LRRN2: variants seen among roughly 807,000 people sequenced by gnomAD.
LRRN2 encodes the protein leucine rich repeat neuronal 2, also known as leucine-rich repeat neuronal protein 2.
A neutral mutation model predicts 35.7 loss-of-function variants in LRRN2; 10 were observed. The ratio of observed to expected loss-of-function variants is 0.28; its 90% CI spans 0.17 to 0.47. The LOEUF (loss-of-function observed/expected upper bound fraction) is 0.47. LRRN2 is among the 20% of genes least tolerant of loss of function. The pLI is 0.99. For synonymous variants in LRRN2, 391 were observed against 409.6 expected (o/e 0.95, Z 0.55); for missense variants, 731 against 940.3 (o/e 0.78, Z 2.91).
chr1:204,632,927 C>G (rs1162700103), intron 1 of LRRN2, among the ~76,000 whole-genome samples: 1 of 149,968 alleles, frequency 6.7e-6, no homozygotes, highest in African/African-American at 2.5e-5. Flanking sequence ...GAGCGAGACT[C>G]TGTCTCCAAA....
intron 1 of LRRN2, among the ~76,000 whole-genome samples, chr1:204,635,166 G>T (rs1667802990): frequency 6.6e-6 from 1 of 152,132 alleles, no homozygotes; most frequent in Non-Finnish European, 1.5e-5. Context: ...ATGCATAAAA[G>T]ATGTTTTTGT....
intron 1 of LRRN2, among the ~76,000 whole-genome samples, chr1:204,629,981 A>G (rs1440883446): frequency 1.3e-5 from 2 of 152,212 alleles, no homozygotes; most frequent in Non-Finnish European, 2.9e-5. Flanking sequence ...TTAAAAACCT[A>G]TATATCAGGT....
chr1:204,632,915 C>G (rs1667745389), intron 1 of LRRN2, among the ~76,000 whole-genome samples: 1 of 149,190 alleles, frequency 6.7e-6, no homozygotes, highest in African/African-American at 2.5e-5. Flanking sequence ...GCCTGGGCGA[C>G]AGAGCGAGAC....
intron 1 of LRRN2, among the ~76,000 whole-genome samples, chr1:204,648,001 C>T (rs1367219536): frequency 3.9e-5 from 6 of 152,204 alleles, no homozygotes; most frequent in Admixed American, 3.9e-4. Flanking sequence ...CATTATATTT[C>T]TATTGAACAT....
chr1:204,638,689 C>T (rs1296925979), intron 1 of LRRN2, among the ~76,000 whole-genome samples: 1 of 152,084 alleles, frequency 6.6e-6, no homozygotes. Context: ...GGATTACAGG[C>T]GTGAGCCACC....
chr1:204,630,077 C>A (rs2102591623), intron 1 of LRRN2, among the ~76,000 whole-genome samples: 1 of 152,200 alleles, frequency 6.6e-6, no homozygotes, highest in South Asian at 2.1e-4. Flanking sequence ...GCACATGGAC[C>A]CCCTATACAT....
rs188923822 is a variant in LRRN2, at chr1:204,622,685, C to T, written c.-226-2467G>A. Among the ~76,000 whole-genome samples the T allele has an allele frequency of 2.9e-4, 44 of 152,132 alleles. No individual in the cohort carries two copies. The East Asian group carries it at 2.9e-3, about 10-fold the overall frequency. ...GGAAGGAGGGAACAAGCTGAGTCTC[C>T]GAGAGGTCCCTGTTGTGGAACTGGA... On this transcript the variant is annotated intron_variant, in intron 1 of 1. Coordinates refer to ENST00000367177, the MANE Select transcript of LRRN2 (RefSeq NM_201630.2).
intron 1 of LRRN2, among the ~76,000 whole-genome samples, chr1:204,657,341 TACACACACACAC>T (rs34779515): frequency 6.8e-6 from 1 of 146,952 alleles, no homozygotes; most frequent in Non-Finnish European, 1.5e-5. Flanking sequence ...TATGTATATA[TACACACACACAC>T]ACACACACAC....
chr1:204,620,628 G>C lies in LRRN2; in HGVS notation c.-226-410C>G, dbSNP rs192177254. 35 of 172,762 alleles carry C rather than the reference G, an allele frequency of 2.0e-4. No individual in the cohort carries two copies. In the Admixed American group the frequency reaches 2.1e-3, roughly 10 times the overall value. 10.7% of individuals were successfully genotyped at this position (172,762 alleles called of 1,614,324 possible). ...AAAGGAGCTGCAGAGGTAATGGCCA[G>C]GCCTGTCCTTAAGGCTTTAGTGTCC... On this transcript the variant is annotated intron_variant, in intron 1 of 1. Coordinates refer to ENST00000367177, the MANE Select transcript of LRRN2 (RefSeq NM_201630.2).
At chr1:204,628,584 C>G (rs1039096709) in intron 1 of LRRN2, 6 of 152,258 alleles carry the variant, frequency 3.9e-5, no homozygotes, top group African/African-American at 1.4e-4. Flanking sequence ...CATCTTTGTA[C>G]TAGGCCAGCC....
At chr1:204,664,503 T>A (rs1668536302) in intron 1 of LRRN2, 1 of 152,244 alleles carries the variant, frequency 6.6e-6, no homozygotes, top group Non-Finnish European at 1.5e-5. Flanking sequence ...CCCTCCACTC[T>A]GACTTAAGGG....
At chr1:204,665,617 A>C (rs1211480701) in intron 1 of LRRN2, among the ~76,000 whole-genome samples, 2 of 152,302 alleles carry the variant, frequency 1.3e-5, no homozygotes, top group East Asian at 3.9e-4. Context: ...CCCACCCTGG[A>C]GACCCCACTT....
Position 204,620,176 on chromosome 1 carries a change from G to C in LRRN2, c.-184C>G. The C allele has an allele frequency of 2.1e-6, 3 of 1,448,834 alleles. No individual in the cohort carries two copies. Among genetic ancestry groups the C allele is most frequent in the Non-Finnish European group, 1.8e-6 (2 of 1,099,780 alleles). The allele number at this position is 1,448,834 out of a possible 1,614,324, so 89.7% of individuals were successfully genotyped here. ...TGCCTTCTCTTCCTTGTCCTCTGGGGCTGGGCCTGCTCAGTCATTGCCAGG... is the reference window on the plus strand; with the variant it reads ...TGCCTTCTCTTCCTTGTCCTCTGGGCCTGGGCCTGCTCAGTCATTGCCAGG... On this transcript the variant is annotated 5_prime_UTR_variant, in exon 2 of 2. Coordinates refer to ENST00000367177, the MANE Select transcript of LRRN2 (RefSeq NM_201630.2).
At chr1:204,649,127 A>G (rs1668170153) in intron 1 of LRRN2, among the ~76,000 whole-genome samples, 2 of 152,176 alleles carry the variant, frequency 1.3e-5, no homozygotes, top group African/African-American at 2.4e-5. Flanking sequence ...ATTCCTAACT[A>G]AACTCTTCAA....
chr1:204,653,706 T>A (rs1455897152), intron 1 of LRRN2, among the ~76,000 whole-genome samples: 2 of 150,730 alleles, frequency 1.3e-5, no homozygotes, highest in African/African-American at 4.9e-5. Context: ...ACAAAATATT[T>A]AAAAAATTAG....
At chr1:204,669,451 T>C (rs751047877) in intron 1 of LRRN2, among the ~76,000 whole-genome samples, 6 of 152,228 alleles carry the variant, frequency 3.9e-5, no homozygotes, top group Non-Finnish European at 8.8e-5. Context: ...TCTACCCTCA[T>C]AGAGTCACAG....
intron 1 of LRRN2, among the ~76,000 whole-genome samples, chr1:204,667,909 G>A (rs867223174): frequency 2.6e-5 from 4 of 152,154 alleles, no homozygotes; most frequent in Non-Finnish European, 4.4e-5. Flanking sequence ...CAGAAGCCAC[G>A]CCAGGGAGGG....
intron 1 of LRRN2, among the ~76,000 whole-genome samples, chr1:204,659,855 G>A (rs1471296340): frequency 6.6e-6 from 1 of 152,116 alleles, no homozygotes; most frequent in Non-Finnish European, 1.5e-5. Flanking sequence ...TGGACTCTTT[G>A]AAACTCACTA....
At chr1:204,657,121 C>A (rs182505010) in intron 1 of LRRN2, among the ~76,000 whole-genome samples, 5 of 152,088 alleles carry the variant, frequency 3.3e-5, no homozygotes, top group Admixed American at 1.3e-4. Context: ...CTGGCCAACA[C>A]GGCGAAACCC....
Sources: allele counts gnomAD v4.1 joint callset (sites outside exome capture counted in the v4.1 genomes callset), GRCh38; gene constraint gnomAD v4.1.1; transcripts MANE v1.5; gene names NCBI Gene and HGNC (gene_info 2026-07-23, HGNC 2026-07-21).